NAV3: variants seen among roughly 807,000 people sequenced by gnomAD.
The protein encoded by NAV3 is pore membrane and/or filament interacting like protein 1.
NAV3 carries 87 observed loss-of-function variants against 244.7 expected under a neutral mutation model. The ratio of observed to expected loss-of-function variants is 0.36; its 90% confidence interval spans 0.30 to 0.42. The LOEUF is 0.42. Among genes scored for constraint, NAV3 ranks in the 20% least tolerant of loss-of-function variants. The pLI is 1.00. For missense variants in NAV3, 2,663 were observed against 2,893.3 expected, an observed-to-expected ratio of 0.92 and a Z score of 1.83; for synonymous variants, 1,126 against 1,042.2, an observed-to-expected ratio of 1.08 and a Z score of -1.55.
intron 2 of NAV3, among the ~76,000 whole-genome samples, chr12:77,754,585 C>G (rs547050076): frequency 6.6e-6 from 1 of 152,290 alleles, no homozygotes; most frequent in South Asian, 2.1e-4. Flanking sequence ...CCCGTTAAAA[C>G]TTGGACAGCT....
chr12:77,944,266 G>A (rs574641608), intron 3 of NAV3, among the ~76,000 whole-genome samples: 1 of 152,088 alleles, frequency 6.6e-6, no homozygotes, highest in South Asian at 2.1e-4. Context: ...TTTGGAAGAT[G>A]TTTAAAGCTG....
chr12:78,109,200 G>GAGAAAT (rs1954960420), intron 12 of NAV3, among the ~76,000 whole-genome samples: 1 of 151,960 alleles, frequency 6.6e-6, no homozygotes, highest in Non-Finnish European at 1.5e-5. Flanking sequence ...GGAAAATATA[G>GAGAAAT]AGAAATAGAT....
At chr12:78,016,725 A>G (rs1442646989) in intron 8 of NAV3, among the ~76,000 whole-genome samples, 1 of 152,214 alleles carries the variant, frequency 6.6e-6, no homozygotes, top group Non-Finnish European at 1.5e-5. Context: ...ATTTGTGACC[A>G]TATCTATATC....
chr12:78,013,404 G>A (rs571038536), intron 8 of NAV3, among the ~76,000 whole-genome samples: 5 of 152,218 alleles, frequency 3.3e-5, no homozygotes, highest in Admixed American at 2.0e-4. Context: ...CAGGGAAAGT[G>A]GCACTTGAAC....
chr12:77,728,955 T>C (rs896644238), intron 2 of NAV3, among the ~76,000 whole-genome samples: 3 of 151,976 alleles, frequency 2.0e-5, no homozygotes, highest in Admixed American at 6.6e-5. Flanking sequence ...GATGAAGACC[T>C]TTATGATAGT....
intron 2 of NAV3, among the ~76,000 whole-genome samples, chr12:77,776,809 C>T (rs1054098481): frequency 5.3e-5 from 8 of 152,108 alleles, no homozygotes; most frequent in East Asian, 1.9e-4. Flanking sequence ...GGAGAAACCC[C>T]GTCTCTACTA....
chr12:77,930,712 T>C lies in NAV3; in HGVS notation c.244-9607T>C, dbSNP rs76817338. Among the ~76,000 whole-genome samples, 985 of 152,340 alleles carry C rather than the reference T, an allele frequency of 6.5e-3. 9 individuals are homozygous for C. Among genetic ancestry groups the C allele is most frequent in the Middle Eastern group, 0.024 (7 of 294 alleles). ...TGGATTCCATTATTTTCACTTCTGA[T>C]AGCCTCCTTACAAGGGATGTATGAA... On this transcript the variant is annotated intron_variant, in intron 1 of 39. Transcript: ENST00000397909.
At chr12:77,968,798 CAT>C in intron 5 of NAV3, 96 bp downstream of exon 5, 2 of 1,180,984 alleles carry the variant, frequency 1.7e-6, no homozygotes, top group Admixed American at 2.4e-5. Context: ...AAAACGTACT[CAT>C]GTGCTTGTAT....
intron 2 of NAV3, among the ~76,000 whole-genome samples, chr12:77,581,698 T>C (rs562597137): frequency 6.6e-6 from 1 of 152,296 alleles, no homozygotes; most frequent in African/African-American, 2.4e-5. Flanking sequence ...TTAGTAATCC[T>C]GCTCTTATAA....
At chr12:77,619,683 G>A (rs764468187) in intron 2 of NAV3, among the ~76,000 whole-genome samples, 73 of 152,048 alleles carry the variant, frequency 4.8e-4, no homozygotes, top group Non-Finnish European at 8.1e-4. Context: ...CAGGGGACAC[G>A]TGGGAAAGAA....
At chr12:77,596,710 A>C (rs1870184385) in intron 2 of NAV3, among the ~76,000 whole-genome samples, 2 of 152,172 alleles carry the variant, frequency 1.3e-5, no homozygotes. Context: ...CAATTAAATG[A>C]AAGAAGTTTC....
intron 2 of NAV3, among the ~76,000 whole-genome samples, chr12:77,659,319 C>G (rs1272805221): frequency 6.6e-6 from 1 of 151,714 alleles, no homozygotes; most frequent in African/African-American, 2.4e-5. Flanking sequence ...AGACCCTTCT[C>G]AAAAGAAGAC....
chr12:77,766,748 T>TTTTTTTTG (rs1869787893), intron 2 of NAV3, among the ~76,000 whole-genome samples: 1 of 28,274 alleles, frequency 3.5e-5, no homozygotes, highest in Non-Finnish European at 7.2e-5. Context: ...TTTTTTTTTT[T>TTTTTTTTG]TTTTTTTTTT....
chr12:78,128,678 T>C, intron 17 of NAV3, 28 bp from the exon 18 acceptor site: 1 of 1,605,862 alleles, frequency 6.2e-7, no homozygotes. Context: ...TAGATGTGCT[T>C]AAGTGTCATA....
At chr12:78,029,134 C>T (rs544213493) in intron 9 of NAV3, among the ~76,000 whole-genome samples, 1 of 148,492 alleles carries the variant, frequency 6.7e-6, no homozygotes, top group Admixed American at 6.7e-5. Flanking sequence ...TGAAGGATTC[C>T]ATATGTCAAA....
chr12:77,704,671 GTGGAGTGAAA>G lies in NAV3; in HGVS notation c.72+132410_72+132419del, dbSNP rs535402441. ...AAGCCAACATTCAATCATTGCTAAAGTGGAGTGAAATGGACTCCACTTTAAGAGACTGGGC... is the reference window on the plus strand; with the variant it reads ...AAGCCAACATTCAATCATTGCTAAAGTGGACTCCACTTTAAGAGACTGGGC... On this transcript the variant is annotated intron_variant, in intron 2 of 8. Transcript: ENST00000550042. 1.8e-3 allele frequency among the ~76,000 whole-genome samples: 272 copies of G among 152,248 alleles called. 1 individual carries two copies. Among genetic ancestry groups the G allele is most frequent in the African/African-American group, 6.3e-3 (263 of 41,558 alleles).
intron 2 of NAV3, among the ~76,000 whole-genome samples, chr12:77,715,049 A>G (rs897749255): frequency 3.9e-5 from 6 of 151,990 alleles, no homozygotes; most frequent in Non-Finnish European, 8.8e-5. Context: ...TAAATTTGGT[A>G]TTGATTTGGT....
chr12:77,968,666 C>T lies in NAV3; in HGVS notation c.635C>T (p.Ala212Val), dbSNP rs758533450. Residue 212 changes from alanine (A) to valine (V), a missense_variant, in exon 5 of 40, where the codon GCC becomes GTC. Ala to Val is a moderately conservative substitution (Grantham distance 64, BLOSUM62 0). Transcript: ENST00000397909. ...RVTHASPPSEASQAKTQQDMQ... is the reference protein window; with the variant it reads ...RVTHASPPSEVSQAKTQQDMQ... The stretch of plus-strand genomic sequence containing the variant: ...ACTCACGCTTCCCCTCCATCGGAAG[C>T]CAGCCAGGCCAAAACCCAGCAAGAT... The T allele has an allele frequency of 6.2e-7, 1 of 1,614,032 alleles. No individual in the cohort carries two copies. The highest frequency in any genetic ancestry group is 1.1e-5 in the South Asian group (1 of 91,080).
At chr12:78,092,574 A>G (rs1954011539) in intron 12 of NAV3, among the ~76,000 whole-genome samples, 2 of 126,180 alleles carry the variant, frequency 1.6e-5, no homozygotes, top group Admixed American at 2.3e-4. Context: ...ATCTTGGTTC[A>G]CTGCAATCTC....
Sources: gnomAD v4.1 joint callset for allele counts (sites outside exome capture counted in the v4.1 genomes callset) on GRCh38, gnomAD v4.1.1 for gene constraint, MANE v1.5 for transcripts, NCBI Gene and HGNC (gene_info 2026-07-23, HGNC 2026-07-21) for gene names.